The following LGSN variants were observed in gnomAD, a reference collection of about 807,000 sequenced individuals.
LGSN encodes lengsin.
In LGSN, 21 loss-of-function variants were observed where a neutral mutation model predicts 19.5. The ratio of observed to expected loss-of-function variants is 1.07; its 90% CI spans 0.76 to 1.55. The LOEUF (loss-of-function observed/expected upper bound fraction) is 1.55. LGSN is among the 40% of genes most tolerant of loss of function. LGSN has a pLI of 0.00. For missense variants in LGSN, 673 were observed against 608.5 expected (o/e 1.11, Z -1.12); for synonymous variants, 257 against 215.6 (o/e 1.19, Z -1.68).
chr6:63,494,916 T>C, the LGSN span, among the ~76,000 whole-genome samples: 2 of 152,248 alleles, frequency 1.3e-5, no homozygotes, highest in East Asian at 3.8e-4. Context: ...TGGAAAGACA[T>C]TGGCTAATAT....
At chr6:63,495,739 C>T in the LGSN span, among the ~76,000 whole-genome samples, 1 of 150,846 alleles carries the variant, frequency 6.6e-6, no homozygotes, top group East Asian at 2.0e-4. Flanking sequence ...CGTGAGCCAC[C>T]ATGCCTGGTC....
At chr6:63,314,244 G>A (rs1768756457) in intron 1 of LGSN, among the ~76,000 whole-genome samples, 1 of 151,966 alleles carries the variant, frequency 6.6e-6, no homozygotes, top group Admixed American at 6.6e-5. Flanking sequence ...CCCTTATGGG[G>A]AAAAAAATAT....
At chr6:63,405,690 T>A in the LGSN span, among the ~76,000 whole-genome samples, 5 of 152,180 alleles carry the variant, frequency 3.3e-5, no homozygotes, top group Non-Finnish European at 7.3e-5. Context: ...TAACTTTAAA[T>A]GTAAATGGAC....
chr6:63,456,164 A>C, the LGSN span, among the ~76,000 whole-genome samples: 1 of 151,602 alleles, frequency 6.6e-6, no homozygotes, highest in South Asian at 2.1e-4. Flanking sequence ...CGGGAGGTAA[A>C]GGTTGCAGTG....
At chr6:63,535,453 G>C in the LGSN span, among the ~76,000 whole-genome samples, 1 of 152,008 alleles carries the variant, frequency 6.6e-6, no homozygotes, top group African/African-American at 2.4e-5. Context: ...AGGCAACAGA[G>C]CGAGACTCTG....
At chr6:63,524,240 C>T in the LGSN span, among the ~76,000 whole-genome samples, 3 of 152,158 alleles carry the variant, frequency 2.0e-5, no homozygotes, top group Non-Finnish European at 4.4e-5. Context: ...CTGCCTTGGC[C>T]TCCCAAATTG....
the LGSN span, among the ~76,000 whole-genome samples, chr6:63,554,247 ATTCTTGTCAAGC>A: frequency 6.6e-6 from 1 of 152,162 alleles, no homozygotes; most frequent in Non-Finnish European, 1.5e-5. Flanking sequence ...AATTTTCTCT[ATTCTTGTCAAGC>A]TTCTTGTCTC....
At chr6:63,332,417 C>A in the LGSN span, among the ~76,000 whole-genome samples, 21 of 152,176 alleles carry the variant, frequency 1.4e-4, no homozygotes, top group African/African-American at 5.1e-4. Flanking sequence ...GGCGACATGC[C>A]TTTGAGAGTT....
At chr6:63,415,413 C>T in the LGSN span, among the ~76,000 whole-genome samples, 1 of 152,060 alleles carries the variant, frequency 6.6e-6, no homozygotes, top group African/African-American at 2.4e-5. Context: ...GCTGGAGAGG[C>T]CTTAGGAAAC....
the LGSN span, among the ~76,000 whole-genome samples, chr6:63,460,958 A>C: frequency 1.3e-5 from 2 of 152,168 alleles, no homozygotes; most frequent in Admixed American, 6.5e-5. Context: ...GTCTACACTG[A>C]ATGTCTGGCA....
the LGSN span, among the ~76,000 whole-genome samples, chr6:63,366,718 C>T: frequency 3.3e-5 from 5 of 152,184 alleles, no homozygotes; most frequent in Non-Finnish European, 7.3e-5. Context: ...ACCAAAACAG[C>T]ATGGTACTGG....
chr6:63,315,730 TA>T (rs919418990), intron 1 of LGSN, among the ~76,000 whole-genome samples: 1 of 151,388 alleles, frequency 6.6e-6, no homozygotes, highest in Non-Finnish European at 1.5e-5. Flanking sequence ...GAGGATCTGA[TA>T]AATGCAGCAA....
the LGSN span, among the ~76,000 whole-genome samples, chr6:63,406,660 C>CA: frequency 1.3e-5 from 2 of 151,522 alleles, no homozygotes; most frequent in Admixed American, 1.3e-4. Context: ...TAGCAGAAGG[C>CA]AAAAAATAAC....
At chr6:63,372,523 A>G in the LGSN span, among the ~76,000 whole-genome samples, 149 of 152,350 alleles carry the variant, frequency 9.8e-4, no homozygotes, top group African/African-American at 3.3e-3. Flanking sequence ...GATGCCACCA[A>G]CGGGATTTTC....
chr6:63,409,873 T>C, the LGSN span, among the ~76,000 whole-genome samples: 1 of 151,938 alleles, frequency 6.6e-6, no homozygotes, highest in East Asian at 1.9e-4. Context: ...TCATCTCTAC[T>C]AAAAATAGAA....
the LGSN span, chr6:63,572,383 C>A: frequency 3.1e-6 from 1 of 326,266 alleles, no homozygotes; most frequent in Non-Finnish European, 5.5e-6. Context: ...TCCGCCCCCG[C>A]CTGTCGGCTC....
the LGSN span, among the ~76,000 whole-genome samples, chr6:63,523,625 A>C: frequency 6.6e-6 from 1 of 152,246 alleles, no homozygotes; most frequent in Admixed American, 6.5e-5. Flanking sequence ...GATCTAAGAC[A>C]TCTTATTTGC....
the LGSN span, among the ~76,000 whole-genome samples, chr6:63,417,079 C>G: frequency 1.3e-5 from 2 of 152,010 alleles, no homozygotes; most frequent in Non-Finnish European, 2.9e-5. Flanking sequence ...CACCTGGCAC[C>G]CTACAAACCA....
the LGSN span, among the ~76,000 whole-genome samples, chr6:63,340,532 C>T: frequency 6.7e-6 from 1 of 149,596 alleles, no homozygotes; most frequent in Non-Finnish European, 1.5e-5. Context: ...CTTTTTTCTG[C>T]TTGATCTAGT....
Sources: gnomAD v4.1 joint callset for allele counts (sites outside exome capture counted in the v4.1 genomes callset) on GRCh38, gnomAD v4.1.1 for gene constraint, MANE v1.5 for transcripts, NCBI Gene and HGNC (gene_info 2026-07-23, HGNC 2026-07-21) for gene names.